The following SPIRE1 variants were observed in gnomAD, a reference collection of about 807,000 sequenced individuals.
SPIRE1 encodes the protein spire type actin nucleation factor 1.
A neutral mutation model predicts 94.1 loss-of-function variants in SPIRE1; 40 were observed. The ratio of observed to expected loss-of-function variants is 0.43; its 90% CI spans 0.33 to 0.55. The LOEUF is 0.55. Ranked by LOEUF, SPIRE1 falls within the 20% of genes least tolerant of loss-of-function variation. SPIRE1 has a pLI of 0.06. For synonymous variants in SPIRE1, 376 were observed against 371.7 expected, an observed-to-expected ratio of 1.01 and a Z score of -0.13; for missense variants, 838 against 975.2, an observed-to-expected ratio of 0.86 and a Z score of 1.87.
At chr18:12,576,713 C>A (rs1228245992) in intron 2 of SPIRE1, among the ~76,000 whole-genome samples, 25 of 150,642 alleles carry the variant, frequency 1.7e-4, no homozygotes, top group Non-Finnish European at 1.2e-4. Flanking sequence ...CACGGTGAAA[C>A]CCCGTCTCTA....
chr18:12,661,023 G>A (rs563610128), upstream of SPIRE1, among the ~76,000 whole-genome samples: 1 of 152,218 alleles, frequency 6.6e-6, no homozygotes, highest in South Asian at 2.1e-4. Flanking sequence ...GTTTTGATAA[G>A]CTGGCCAGGC....
At chr18:12,542,064 C>T (rs2144250090) in intron 3 of SPIRE1, among the ~76,000 whole-genome samples, 1 of 152,022 alleles carries the variant, frequency 6.6e-6, no homozygotes, top group East Asian at 1.9e-4. Flanking sequence ...GCAACCTCTG[C>T]TTCCCGGGTT....
chr18:12,642,695 A>G (rs906985550), intron 1 of SPIRE1, among the ~76,000 whole-genome samples: 1 of 152,200 alleles, frequency 6.6e-6, no homozygotes, highest in African/African-American at 2.4e-5. Context: ...GGTCTCACTC[A>G]TAAGTGGGAG....
chr18:12,643,506 C>G (rs1261765980), intron 1 of SPIRE1, among the ~76,000 whole-genome samples: 3 of 152,188 alleles, frequency 2.0e-5, no homozygotes, highest in African/African-American at 4.8e-5. Context: ...TCTGTGGCAT[C>G]TGAGTATGAG....
At chr18:12,561,557 T>G (rs943119097) in intron 2 of SPIRE1, among the ~76,000 whole-genome samples, 3 of 152,306 alleles carry the variant, frequency 2.0e-5, no homozygotes, top group Admixed American at 1.3e-4. Context: ...TGAGCCACCG[T>G]GCCTGGCCAT....
intron 2 of SPIRE1, among the ~76,000 whole-genome samples, chr18:12,548,684 T>C (rs1329655032): frequency 2.6e-5 from 4 of 151,252 alleles, no homozygotes; most frequent in African/African-American, 7.3e-5. Flanking sequence ...CAATTACGGC[T>C]CACTGCAGCT....
intron 2 of SPIRE1, among the ~76,000 whole-genome samples, chr18:12,590,179 C>G (rs573355460): frequency 2.0e-5 from 3 of 151,992 alleles, no homozygotes; most frequent in African/African-American, 7.2e-5. Context: ...CCTATGCCTC[C>G]CAAGTTCAAG....
chr18:12,453,371 C>G (rs1455726944), intron 13 of SPIRE1, among the ~76,000 whole-genome samples: 3 of 151,792 alleles, frequency 2.0e-5, no homozygotes, highest in Non-Finnish European at 4.4e-5. Flanking sequence ...TCTTAAGTGT[C>G]TCCTCATCAT....
intron 2 of SPIRE1, among the ~76,000 whole-genome samples, chr18:12,597,423 C>G (rs1036588722): frequency 6.6e-6 from 1 of 152,026 alleles, no homozygotes; most frequent in Non-Finnish European, 1.5e-5. Flanking sequence ...GGGCAAGCAT[C>G]GAAGAGGCCA....
intron 8 of SPIRE1, among the ~76,000 whole-genome samples, chr18:12,492,503 T>C (rs2033271219): frequency 6.6e-6 from 1 of 152,144 alleles, no homozygotes; most frequent in Non-Finnish European, 1.5e-5. Context: ...AGTTAAGTAA[T>C]ATCCGGTAAT....
chr18:12,581,690 C>G (rs1176877313), intron 2 of SPIRE1, among the ~76,000 whole-genome samples: 1 of 152,056 alleles, frequency 6.6e-6, no homozygotes, highest in Non-Finnish European at 1.5e-5. Flanking sequence ...GTGGCAAAAC[C>G]CTGTCTCTAC....
intron 4 of SPIRE1, 100 bp from the exon 5 acceptor site, chr18:12,512,631 A>ATCTCCTTCACT: frequency 1.4e-6 from 1 of 726,096 alleles, no homozygotes; most frequent in Non-Finnish European, 2.3e-6. Flanking sequence ...TTCAAGTACC[A>ATCTCCTTCACT]GTGAAGGAGA....
At chr18:12,577,137 AATTATT>A (rs750080861) in intron 2 of SPIRE1, among the ~76,000 whole-genome samples, 2 of 151,748 alleles carry the variant, frequency 1.3e-5, no homozygotes, top group Non-Finnish European at 2.9e-5. Flanking sequence ...CATATACAAA[AATTATT>A]ATTATTATTA....
At chr18:12,519,015 GA>G (rs1267756648) in intron 4 of SPIRE1, among the ~76,000 whole-genome samples, 1 of 152,096 alleles carries the variant, frequency 6.6e-6, no homozygotes, top group Non-Finnish European at 1.5e-5. Context: ...AAGTACTAAA[GA>G]ATATGATTTA....
chr18:12,654,964 G>T (rs1423402427), intron 1 of SPIRE1, among the ~76,000 whole-genome samples: 1 of 151,534 alleles, frequency 6.6e-6, no homozygotes, highest in African/African-American at 2.4e-5. Flanking sequence ...GGAGGCAGAG[G>T]TTGCAGTGAG....
chr18:12,591,426 A>G (rs950961904), intron 2 of SPIRE1, among the ~76,000 whole-genome samples: 5 of 152,202 alleles, frequency 3.3e-5, no homozygotes, highest in African/African-American at 1.2e-4. Flanking sequence ...TAACTTTTAC[A>G]CTGAAGAAGA....
At chr18:12,658,740 G>T (rs1190323073), upstream of SPIRE1, 2 of 399,634 alleles carry the variant, frequency 5.0e-6, no homozygotes, top group Non-Finnish European at 1.1e-5. Context: ...TTTCTTGCTG[G>T]TTGAATACCT....
rs748647061 is a variant in SPIRE1 at position 12,449,628 on chromosome 18, G to A, written c.*10C>T. On this transcript the variant is annotated 3_prime_UTR_variant, in exon 17 of 17. Transcript: ENST00000409402. ...ACTCGTAGCACAAAAGCAGCTGAAAGGCACGAGGCTCAGATCTCACTGATC... is the reference window on the plus strand; with the variant it reads ...ACTCGTAGCACAAAAGCAGCTGAAAAGCACGAGGCTCAGATCTCACTGATC... The A allele has an allele frequency of 6.2e-7, 1 of 1,611,610 alleles. No individual in the cohort carries two copies. The highest frequency in any genetic ancestry group is 1.1e-5 in the South Asian group (1 of 90,966).
chr18:12,534,482 C>T (rs1217303744), intron 4 of SPIRE1, among the ~76,000 whole-genome samples: 4 of 152,150 alleles, frequency 2.6e-5, no homozygotes, highest in African/African-American at 7.2e-5. Context: ...GAATGTGTTA[C>T]CAGAGGATAC....
Sources: gnomAD v4.1 joint callset for allele counts (sites outside exome capture counted in the v4.1 genomes callset) on GRCh38, gnomAD v4.1.1 for gene constraint, MANE v1.5 for transcripts, NCBI Gene and HGNC (gene_info 2026-07-23, HGNC 2026-07-21) for gene names.